The following THSD4 variants were observed in gnomAD, a reference collection of about 807,000 sequenced individuals.
The protein encoded by THSD4 is thrombospondin type-1 domain-containing protein 4.
A neutral mutation model predicts 119.0 loss-of-function variants in THSD4; 69 were observed. That is an observed-to-expected ratio of 0.58 (90% CI 0.48 to 0.71). THSD4 has a LOEUF of 0.71. Among genes scored for constraint, THSD4 ranks in the 30% least tolerant of loss-of-function variants. The pLI is 0.00. For synonymous variants in THSD4, 524 were observed against 540.4 expected (o/e 0.97, Z 0.42); for missense variants, 1,393 against 1,391.1 (o/e 1.00, Z -0.02).
Position 71,130,768 on chromosome 15 carries a change from G to A in THSD4, c.-79-10681G>A, listed in dbSNP as rs1292877221. ...GTTATTTATTTAATTTTTTTGAGAC[G>A]GAGTCTTGCTGTGTTGCCCAGGCTG... is the stretch of plus-strand genomic sequence containing the variant. On this transcript the variant is annotated intron_variant, in intron 1 of 17. Coordinates refer to ENST00000261862, the MANE Select transcript of THSD4 (RefSeq NM_024817.3). Among the ~76,000 whole-genome samples, 5 of 151,900 alleles carry A rather than the reference G, an allele frequency of 3.3e-5. No individual in the cohort carries two copies. The South Asian group carries it at 8.3e-4, about 25-fold the overall frequency.
At chr15:71,767,567 T>C (rs2053735591) in intron 16 of THSD4, 1 of 152,246 alleles carries the variant, frequency 6.6e-6, no homozygotes, top group Non-Finnish European at 1.5e-5. Flanking sequence ...AGAAGTAGGA[T>C]GTTCAAACTT....
At chr15:71,219,871 C>A in intron 4 of THSD4, among the ~76,000 whole-genome samples, 1 of 152,200 alleles carries the variant, frequency 6.6e-6, no homozygotes, top group East Asian at 1.9e-4. Context: ...CACTAAAGTT[C>A]TTTTCACTGA....
chr15:71,322,125 G>A (rs2045277494), intron 6 of THSD4, among the ~76,000 whole-genome samples: 2 of 152,088 alleles, frequency 1.3e-5, no homozygotes, highest in South Asian at 4.2e-4. Flanking sequence ...CGTTTATACA[G>A]TGTTATGGAA....
rs114064028 is a variant in THSD4, at chr15:71,693,686, A to C, written c.1357+32952A>C. The stretch of plus-strand genomic sequence containing the variant: ...TTCCCATGGGTTGTAGGAGAGACCC[A>C]GTGGGAGATAATTGAATCATGGAGG... On this transcript the variant is annotated intron_variant, in intron 8 of 17. Coordinates refer to ENST00000261862, the MANE Select transcript of THSD4 (RefSeq NM_024817.3). 5.5e-3 allele frequency among the ~76,000 whole-genome samples: 841 copies of C among 152,284 alleles called. 9 individuals are homozygous for C. Among genetic ancestry groups the C allele is most frequent in the African/African-American group, 0.018 (755 of 41,540 alleles).
intron 6 of THSD4, among the ~76,000 whole-genome samples, chr15:71,320,429 T>G (rs1011711691): frequency 6.6e-6 from 1 of 152,226 alleles, no homozygotes; most frequent in African/African-American, 2.4e-5. Flanking sequence ...TTGATGAGGA[T>G]ACTAGCTTCT....
chr15:71,193,391 A>G (rs1205023486), intron 3 of THSD4, among the ~76,000 whole-genome samples: 4 of 152,288 alleles, frequency 2.6e-5, no homozygotes, highest in Middle Eastern at 6.8e-3. Flanking sequence ...CACGCATTAC[A>G]CTGAGATATG....
chr15:71,257,722 CT>C (rs1313323263), intron 6 of THSD4, among the ~76,000 whole-genome samples: 1 of 152,286 alleles, frequency 6.6e-6, no homozygotes, highest in East Asian at 1.9e-4. Context: ...TAGTATCTGA[CT>C]GCTCTGAAAT....
chr15:71,406,951 T>A (rs1038706323), intron 6 of THSD4, among the ~76,000 whole-genome samples: 1 of 152,100 alleles, frequency 6.6e-6, no homozygotes, highest in African/African-American at 2.4e-5. Flanking sequence ...TCTAAAGTGT[T>A]GGGATTACAT....
chr15:71,636,718 G>A (rs575063939), intron 7 of THSD4, among the ~76,000 whole-genome samples: 1 of 152,168 alleles, frequency 6.6e-6, no homozygotes, highest in African/African-American at 2.4e-5. Flanking sequence ...AGTGCCTGCA[G>A]CTGTGCCTTT....
rs140465911 is a variant in THSD4 at position 71,768,138 on chromosome 15, G to T, written c.2770-2926G>T. ...TACCACTGGGTAACCAAAGAGTAAA[G>T]GTGCTGAGGGAATATGATAGAATTA... On this transcript the variant is annotated intron_variant, in intron 16 of 17. Transcript: ENST00000261862. Among the ~76,000 whole-genome samples the T allele has an allele frequency of 4.9e-3, 744 of 152,178 alleles. 9 individuals carry two copies. The highest frequency in any genetic ancestry group is 0.017 in the African/African-American group (723 of 41,524).
At chr15:71,566,154 T>C (rs1390302803) in intron 7 of THSD4, among the ~76,000 whole-genome samples, 6 of 34,056 alleles carry the variant, frequency 1.8e-4, no homozygotes, top group African/African-American at 4.1e-4. Context: ...TTTTCTTTTT[T>C]TCTTTTTTTT....
At chr15:71,528,627 C>T (rs1298832005) in intron 7 of THSD4, among the ~76,000 whole-genome samples, 1 of 152,212 alleles carries the variant, frequency 6.6e-6, no homozygotes, top group Non-Finnish European at 1.5e-5. Flanking sequence ...AGGTTCTTTT[C>T]CTTGCCTCCC....
rs538659109 is a variant in THSD4 at position 71,645,803 on chromosome 15, C to T, written c.1153-14727C>T. ...GCAATGGATAAGAGAGAACTCAAAG[C>T]TTCTGGGAAATTGGAGGTGTCCCAT... On this transcript the variant is annotated intron_variant, in intron 7 of 17. Transcript: ENST00000261862. Among the ~76,000 whole-genome samples the T allele has an allele frequency of 4.7e-4, 71 of 152,292 alleles. 1 individual carries two copies. The South Asian group carries it at 0.015, about 31-fold the overall frequency.
chr15:71,221,241 A>G (rs1226054992), intron 4 of THSD4, among the ~76,000 whole-genome samples: 1 of 152,196 alleles, frequency 6.6e-6, no homozygotes, highest in Non-Finnish European at 1.5e-5. Context: ...CTCCCCTTCA[A>G]CTTTTCTTCC....
chr15:71,693,693 G>A (rs1225429073), intron 8 of THSD4, among the ~76,000 whole-genome samples: 3 of 152,144 alleles, frequency 2.0e-5, no homozygotes, highest in Non-Finnish European at 4.4e-5. Context: ...CCCAGTGGGA[G>A]ATAATTGAAT....
chr15:71,268,250 AAC>A (rs1220569564), intron 6 of THSD4, among the ~76,000 whole-genome samples: 1 of 152,188 alleles, frequency 6.6e-6, no homozygotes, highest in Non-Finnish European at 1.5e-5. Flanking sequence ...CGGAAACCAT[AAC>A]AGTCTCTCAG....
rs565300975 is a variant in THSD4, at chr15:71,449,801, C to T, written c.1152+37978C>T. Among the ~76,000 whole-genome samples the T allele has an allele frequency of 9.2e-5, 14 of 152,124 alleles. No individual in the cohort carries two copies. In the South Asian group the frequency reaches 2.9e-3, roughly 32 times the overall value. ...TAATTGGGAGAAAATTGATTTATAC[C>T]CAATATGCAGGCCCAACTACTAGAA... On this transcript the variant is annotated intron_variant, in intron 7 of 17. Coordinates refer to ENST00000261862, the MANE Select transcript of THSD4 (RefSeq NM_024817.3).
intron 3 of THSD4, among the ~76,000 whole-genome samples, chr15:71,203,186 G>T (rs1567156162): frequency 2.6e-5 from 4 of 152,128 alleles, no homozygotes; most frequent in Non-Finnish European, 5.9e-5. Context: ...CTTGCGTGGT[G>T]TGAGCATAGG....
intron 4 of THSD4, among the ~76,000 whole-genome samples, chr15:71,238,954 A>G (rs568769973): frequency 6.6e-6 from 1 of 152,154 alleles, no homozygotes; most frequent in Non-Finnish European, 1.5e-5. Flanking sequence ...ACACACTATT[A>G]TCTGTCTTTT....
Sources: allele counts gnomAD v4.1 joint callset (sites outside exome capture counted in the v4.1 genomes callset), GRCh38; gene constraint gnomAD v4.1.1; transcripts MANE v1.5; gene names NCBI Gene and HGNC (gene_info 2026-07-23, HGNC 2026-07-21).